The following SCP2 variants were observed in gnomAD, a reference collection of about 807,000 sequenced individuals.
SCP2 encodes sterol carrier protein 2, also known as SCP-2/3-oxoacyl-CoA thiolase.
SCP2 carries 48 observed loss-of-function variants against 71.4 expected under a neutral mutation model. That is an observed-to-expected ratio of 0.67 (90% CI 0.53 to 0.86). The LOEUF is 0.86. SCP2 is among the 40% of genes least tolerant of loss of function. SCP2 has a pLI of 0.00. For synonymous variants in SCP2, 220 were observed against 218.1 expected (o/e 1.01, Z -0.08); for missense variants, 560 against 655.6 (o/e 0.85, Z 1.59).
chr1:52,976,577 T>C (rs1657990815), intron 7 of SCP2, 106 bp from the exon 8 acceptor site: 1 of 729,664 alleles, frequency 1.4e-6, no homozygotes, highest in Admixed American at 2.0e-5. Flanking sequence ...AAAATCTGTC[T>C]TCTGGTTGTG....
chr1:52,978,128 C>A, intron 8 of SCP2, 89 bp from the exon 9 acceptor site: 1 of 1,245,608 alleles, frequency 8.0e-7, no homozygotes, highest in Non-Finnish European at 1.2e-6. Flanking sequence ...GCATATTTGG[C>A]CTTTCCTTTC....
intron 13 of SCP2, among the ~76,000 whole-genome samples, chr1:53,037,902 A>ACACACACACACACACCCC (rs1663086138): frequency 6.5e-5 from 7 of 108,508 alleles, no homozygotes; most frequent in Middle Eastern, 4.4e-3. Flanking sequence ...ACACACACAC[A>ACACACACACACACACCCC]CACACACACA....
intron 1 of SCP2, among the ~76,000 whole-genome samples, chr1:52,927,863 G>A (rs1447538072): frequency 6.6e-6 from 1 of 152,146 alleles, no homozygotes; most frequent in Non-Finnish European, 1.5e-5. Flanking sequence ...TGTGGATGGC[G>A]AGGAGAAACG....
chr1:53,029,028 G>C (rs1212829922), intron 13 of SCP2, among the ~76,000 whole-genome samples: 1 of 151,988 alleles, frequency 6.6e-6, no homozygotes, highest in African/African-American at 2.4e-5. Context: ...CACCCGCCTT[G>C]GCCTCCCAAA....
At chr1:53,042,299 T>C (rs1663493048) in intron 14 of SCP2, among the ~76,000 whole-genome samples, 2 of 152,114 alleles carry the variant, frequency 1.3e-5, no homozygotes, top group Admixed American at 6.5e-5. Flanking sequence ...GGTTAATGGT[T>C]ACTTTTATAT....
intron 6 of SCP2, among the ~76,000 whole-genome samples, chr1:52,963,184 A>G (rs1214600985): frequency 5.3e-5 from 8 of 152,066 alleles, no homozygotes; most frequent in Non-Finnish European, 8.8e-5. Flanking sequence ...ATAGCTTCAT[A>G]TTGCTTCCTT....
At chr1:52,941,950 C>T in intron 2 of SCP2, 97 bp downstream of exon 2, 1 of 863,824 alleles carries the variant, frequency 1.2e-6, no homozygotes, top group Admixed American at 1.9e-5. Context: ...CAAAAGGAAG[C>T]CCAGTCAAGG....
At chr1:52,974,892 A>C in intron 7 of SCP2, 60 bp downstream of exon 7, 1 of 821,792 alleles carries the variant, frequency 1.2e-6, no homozygotes, top group Non-Finnish European at 2.2e-6. Context: ...TATAATATGC[A>C]ACTTTATACT....
chr1:53,039,222 G>A (rs956617045), intron 14 of SCP2, among the ~76,000 whole-genome samples, 176 bp downstream of exon 14: 1 of 152,234 alleles, frequency 6.6e-6, no homozygotes, highest in African/African-American at 2.4e-5. Flanking sequence ...AGGATTTGGA[G>A]GCTCCATCAC....
intron 12 of SCP2, among the ~76,000 whole-genome samples, chr1:53,016,206 A>G (rs1661329279): frequency 6.6e-6 from 1 of 152,040 alleles, no homozygotes; most frequent in African/African-American, 2.4e-5. Flanking sequence ...CCCAGAATAT[A>G]ATTTCTGTTG....
At chr1:53,004,190 A>G (rs1422274847) in intron 11 of SCP2, among the ~76,000 whole-genome samples, 2 of 152,222 alleles carry the variant, frequency 1.3e-5, no homozygotes, top group African/African-American at 4.8e-5. Flanking sequence ...AGATTTTATC[A>G]TGCTACTCAG....
intron 1 of SCP2, among the ~76,000 whole-genome samples, chr1:52,934,689 T>C (rs1653524580): frequency 7.4e-6 from 1 of 134,976 alleles, no homozygotes; most frequent in African/African-American, 2.7e-5. Context: ...CTTGGCTCAC[T>C]GCAAGCTCCA....
chr1:53,017,219 A>G (rs972097013), intron 12 of SCP2, among the ~76,000 whole-genome samples: 7 of 152,172 alleles, frequency 4.6e-5, no homozygotes, highest in African/African-American at 1.7e-4. Flanking sequence ...TTAAGGTATA[A>G]TTTACATACA....
chr1:53,039,998 G>T (rs955915112), intron 14 of SCP2, among the ~76,000 whole-genome samples: 4 of 152,164 alleles, frequency 2.6e-5, no homozygotes, highest in Non-Finnish European at 5.9e-5. Flanking sequence ...TGTCCTACTG[G>T]TTCCTTGGTC....
chr1:52,955,448 C>T (rs1421753970), intron 5 of SCP2, among the ~76,000 whole-genome samples: 1 of 151,902 alleles, frequency 6.6e-6, no homozygotes, highest in Non-Finnish European at 1.5e-5. Flanking sequence ...GTAGGATGAA[C>T]CTGAAGTAAA....
intron 11 of SCP2, 60 bp from the exon 12 acceptor site, chr1:53,014,830 C>G: frequency 6.3e-7 from 1 of 1,587,124 alleles, no homozygotes. Flanking sequence ...CACAAACATC[C>G]CTTTTCTGGC....
chr1:52,978,363 A>G lies in SCP2; in HGVS notation c.821A>G (p.Lys274Arg). Residue 274 changes from lysine to arginine, a missense_variant, in exon 9 of 16, where the codon AAA becomes AGA. By Grantham distance (26) the Lys-to-Arg change is conservative (BLOSUM62 2). Transcript: ENST00000371514. Reference sequence around the variant, plus strand: ...TCGTTTGAAGAAAAAAGCATTATTAAAATGGTATGTCTGAGATTCTATTTG... The same window carrying G: ...TCGTTTGAAGAAAAAAGCATTATTAGAATGGTATGTCTGAGATTCTATTTG... ...PSSFEEKSII[K>R]MVGFDMSKEA... 1 of 1,612,468 alleles carries G rather than the reference A, an allele frequency of 6.2e-7. No individual in the cohort carries two copies. Among genetic ancestry groups the G allele is most frequent in the Non-Finnish European group, 8.5e-7 (1 of 1,178,516 alleles).
rs534416974 is a variant in SCP2 at position 53,044,064 on chromosome 1, C to CT, written c.1469-3783dup. Among the ~76,000 whole-genome samples, 422 of 146,400 alleles carry CT rather than the reference C, an allele frequency of 2.9e-3. 1 individual carries two copies. Among genetic ancestry groups the CT allele is most frequent in the Non-Finnish European group, 4.6e-3 (301 of 66,076 alleles). On this transcript the variant is annotated intron_variant, in intron 14 of 15. Transcript: ENST00000371514. ...TATGCTTTAACAGTTTATTCCATCT[C>CT]TTTTTTTTTTTGAGATGGAGTCTCA... is the stretch of plus-strand genomic sequence containing the variant.
In SCP2 at chr1:52,937,625, G is replaced by A. The variant is rs56936627; in HGVS notation, c.70-4171G>A. On this transcript the variant is annotated intron_variant, in intron 1 of 15. Transcript: ENST00000371514. ...GTTTTGGTACTGTGCAATGAAATGTGGCATTTAAGTCACATATCATGTTTC... is the reference window on the plus strand; with the variant it reads ...GTTTTGGTACTGTGCAATGAAATGTAGCATTTAAGTCACATATCATGTTTC... Among the ~76,000 whole-genome samples the A allele has an allele frequency of 2.6e-3, 400 of 152,324 alleles. 1 individual carries two copies. The highest frequency in any genetic ancestry group is 9.1e-3 in the African/African-American group (378 of 41,568).
Sources: gnomAD v4.1 joint callset for allele counts (sites outside exome capture counted in the v4.1 genomes callset) on GRCh38, gnomAD v4.1.1 for gene constraint, MANE v1.5 for transcripts, NCBI Gene and HGNC (gene_info 2026-07-23, HGNC 2026-07-21) for gene names.